Variants in ALKAL1 observed in about 807,000 individuals in gnomAD.
ALKAL1 encodes the protein ALK and LTK ligand 1.
A neutral mutation model predicts 13.5 loss-of-function variants in ALKAL1; 23 were observed. The ratio of observed to expected loss-of-function variants is 1.70; its 90% confidence interval spans 1.23 to 2.41. The LOEUF is 2.41. Among genes scored for constraint, ALKAL1 ranks in the 30% most tolerant of loss-of-function variants. The pLI is 0.00. For missense variants in ALKAL1, 181 were observed against 178.4 expected (o/e 1.01, Z -0.08); for synonymous variants, 85 against 77.7 (o/e 1.09, Z -0.49).
chr8:52,554,496 C>T (rs531026244), intron 1 of ALKAL1, among the ~76,000 whole-genome samples: 22 of 152,274 alleles, frequency 1.4e-4, no homozygotes, highest in Admixed American at 1.2e-3. Context: ...CAATCAAAAA[C>T]TTGCCTTTAC....
At chr8:52,538,017 A>C (rs907336237) in intron 4 of ALKAL1, among the ~76,000 whole-genome samples, 36 of 151,298 alleles carry the variant, frequency 2.4e-4, no homozygotes, top group Non-Finnish European at 1.2e-4. Flanking sequence ...AATCGCTTGA[A>C]CCTGGAAGGC....
chr8:52,540,988 G>C (rs908919546), intron 2 of ALKAL1, among the ~76,000 whole-genome samples: 2 of 152,166 alleles, frequency 1.3e-5, no homozygotes, highest in African/African-American at 4.8e-5. Context: ...CAGGCCTGAG[G>C]TGTAAAACAA....
At chr8:52,539,983 G>A (rs1847297571) in intron 2 of ALKAL1, 72 bp from the exon 3 acceptor site, 1 of 1,331,414 alleles carries the variant, frequency 7.5e-7, no homozygotes, top group African/African-American at 1.4e-5. Flanking sequence ...AGCACTTTAT[G>A]GGTGGATATA....
At position 52,565,130 on chromosome 8, in the gene ALKAL1, TG is replaced by T; in HGVS notation, c.126del (p.Lys43SerfsTer30). 1 of 1,417,972 alleles carries T rather than the reference TG, an allele frequency of 7.1e-7. No individual in the cohort carries two copies. The highest frequency in any genetic ancestry group is 1.5e-5 in the South Asian group (1 of 66,932). 87.8% of individuals were successfully genotyped at this position (1,417,972 alleles called of 1,614,324 possible). On this transcript the variant is annotated frameshift_variant, in exon 1 of 5. Coordinates refer to ENST00000358543, the MANE Select transcript of ALKAL1 (RefSeq NM_207413.4). LOFTEE classifies it high-confidence loss of function. ...GCCGCGGGGAGGAAAAGCAACGGCT[TG>T]GGCTCCTTATCCGTGACGCGCGCTC... The part of the protein sequence containing the change: ...RRGARVTDKE[P>X]KPLLFLPAAG...
chr8:52,535,291 T>C (rs1237290513), intron 4 of ALKAL1, among the ~76,000 whole-genome samples: 1 of 151,614 alleles, frequency 6.6e-6, no homozygotes, highest in African/African-American at 2.4e-5. Flanking sequence ...CTCATGTGTA[T>C]AATTCCAACA....
intron 1 of ALKAL1, 69 bp downstream of exon 1, chr8:52,564,998 C>T: frequency 8.0e-7 from 1 of 1,243,584 alleles, no homozygotes; most frequent in East Asian, 3.2e-5. Context: ...GTGCCTCGCC[C>T]AGCTCCTAGG....
chr8:52,546,769 G>C (rs1847373503), intron 1 of ALKAL1, among the ~76,000 whole-genome samples: 1 of 152,210 alleles, frequency 6.6e-6, no homozygotes, highest in Non-Finnish European at 1.5e-5. Context: ...AAATATGTCT[G>C]CTTTTCCTTT....
intron 1 of ALKAL1, among the ~76,000 whole-genome samples, chr8:52,549,673 G>A (rs1469551936): frequency 6.6e-6 from 1 of 152,098 alleles, no homozygotes; most frequent in African/African-American, 2.4e-5. Flanking sequence ...CGGGCACGGT[G>A]TCTCATGTCT....
intron 4 of ALKAL1, among the ~76,000 whole-genome samples, chr8:52,538,168 A>T (rs1337194809): frequency 6.6e-6 from 1 of 151,926 alleles, no homozygotes; most frequent in Admixed American, 6.6e-5. Flanking sequence ...GACATGAGGA[A>T]CGGGTTCTGG....
chr8:52,535,550 CAAAAAAAAAA>C (rs10719477), intron 4 of ALKAL1, among the ~76,000 whole-genome samples: 3 of 68,630 alleles, frequency 4.4e-5, no homozygotes, highest in Admixed American at 4.4e-4. Flanking sequence ...GACCCTGTCT[CAAAAAAAAAA>C]AAAAAAAAAA....
chr8:52,563,747 G>A (rs896176903), intron 1 of ALKAL1, among the ~76,000 whole-genome samples: 6 of 152,290 alleles, frequency 3.9e-5, no homozygotes, highest in South Asian at 2.1e-4. Context: ...CCCAGTGGCC[G>A]GCTGGACTGA....
At position 52,537,521 on chromosome 8, in the gene ALKAL1, C is replaced by T. The variant is rs531181265; in HGVS notation, c.*12+910G>A. ...TCAGTATATCAAAGGGATACCTGCA[C>T]CCCCATGTTTACTGCAGTACTATCC... On this transcript the variant is annotated intron_variant, in intron 4 of 4. Coordinates refer to ENST00000358543, the MANE Select transcript of ALKAL1 (RefSeq NM_207413.4). Among the ~76,000 whole-genome samples, 44 of 152,242 alleles carry T rather than the reference C, an allele frequency of 2.9e-4. 1 individual carries two copies. Among genetic ancestry groups the T allele is most frequent in the African/African-American group, 9.1e-4 (38 of 41,542 alleles).
intron 1 of ALKAL1, 80 bp from the exon 2 acceptor site, chr8:52,542,525 T>G: frequency 1.2e-6 from 1 of 859,616 alleles, no homozygotes; most frequent in Non-Finnish European, 1.8e-6. Context: ...GCTAATTACT[T>G]AATAAGGCAC....
intron 1 of ALKAL1, among the ~76,000 whole-genome samples, chr8:52,543,164 A>C (rs1233104740): frequency 6.6e-6 from 1 of 152,276 alleles, no homozygotes; most frequent in Non-Finnish European, 1.5e-5. Flanking sequence ...CAATTTATAC[A>C]AACAATCGGG....
intron 4 of ALKAL1, among the ~76,000 whole-genome samples, chr8:52,535,216 A>G (rs1847253591): frequency 6.6e-6 from 1 of 152,160 alleles, no homozygotes; most frequent in Admixed American, 6.5e-5. Context: ...TCATTTCAAT[A>G]ACCAAGTGAA....
At chr8:52,552,228 G>A (rs1027790264) in intron 1 of ALKAL1, among the ~76,000 whole-genome samples, 1 of 152,162 alleles carries the variant, frequency 6.6e-6, no homozygotes, top group Non-Finnish European at 1.5e-5. Flanking sequence ...TTTTCCTTGT[G>A]ATTAAACTGA....
chr8:52,549,576 G>A (rs1270393943), intron 1 of ALKAL1, among the ~76,000 whole-genome samples: 1 of 151,792 alleles, frequency 6.6e-6, no homozygotes, highest in African/African-American at 2.4e-5. Context: ...ATTGAAAAAG[G>A]GCCGACTCTA....
At chr8:52,551,260 G>A (rs889731189) in intron 1 of ALKAL1, among the ~76,000 whole-genome samples, 1 of 151,956 alleles carries the variant, frequency 6.6e-6, no homozygotes, top group African/African-American at 2.4e-5. Context: ...AGAATATCCT[G>A]ACTGAAAAAC....
At chr8:52,562,848 A>T (rs1452052789) in intron 1 of ALKAL1, among the ~76,000 whole-genome samples, 3 of 152,100 alleles carry the variant, frequency 2.0e-5, no homozygotes. Flanking sequence ...AATGAACGAT[A>T]ACCCCTGCCA....
Sources: allele counts gnomAD v4.1 joint callset (sites outside exome capture counted in the v4.1 genomes callset), GRCh38; gene constraint gnomAD v4.1.1; transcripts MANE v1.5; gene names NCBI Gene and HGNC (gene_info 2026-07-23, HGNC 2026-07-21).